CALN1: variants seen among roughly 807,000 people sequenced by gnomAD.
CALN1 encodes calcium-binding protein 8.
CALN1 carries 17 observed loss-of-function variants against 30.6 expected under a neutral mutation model. The observed-to-expected ratio is 0.56, with a 90% CI of 0.38 to 0.83. CALN1 has a LOEUF of 0.83. CALN1 is among the 40% of genes least tolerant of loss of function. The pLI is 0.00. For synonymous variants in CALN1, 156 were observed against 131.4 expected, an observed-to-expected ratio of 1.19 and a Z score of -1.28; for missense variants, 291 against 354.9, an observed-to-expected ratio of 0.82 and a Z score of 1.45.
At chr7:71,888,179 T>A (rs1342941360) in intron 5 of CALN1, among the ~76,000 whole-genome samples, 4 of 151,846 alleles carry the variant, frequency 2.6e-5, no homozygotes, top group Admixed American at 2.0e-4. Context: ...CAAAAATGCT[T>A]AAGATGCTGG....
At chr7:72,057,993 T>C (rs1246933753) in intron 4 of CALN1, among the ~76,000 whole-genome samples, 1 of 152,210 alleles carries the variant, frequency 6.6e-6, no homozygotes, top group Non-Finnish European at 1.5e-5. Context: ...TTCTAAGTCG[T>C]GCAGAAGTTA....
At chr7:72,168,583 A>G (rs1034404345) in intron 3 of CALN1, among the ~76,000 whole-genome samples, 1 of 152,156 alleles carries the variant, frequency 6.6e-6, no homozygotes, top group Non-Finnish European at 1.5e-5. Flanking sequence ...CTCTTCCAAT[A>G]TATTTTCACA....
chr7:72,153,675 T>C (rs1787440836), intron 3 of CALN1, among the ~76,000 whole-genome samples: 1 of 152,000 alleles, frequency 6.6e-6, no homozygotes, highest in Non-Finnish European at 1.5e-5. Flanking sequence ...AGTGAGAACC[T>C]GTCTCTAAAA....
chr7:72,061,400 T>C (rs1395136479), intron 4 of CALN1, among the ~76,000 whole-genome samples: 2 of 152,196 alleles, frequency 1.3e-5, no homozygotes, highest in South Asian at 2.1e-4. Flanking sequence ...GAGAGGTTTT[T>C]ATCTTTTTCT....
rs958876258 is a variant in CALN1 at position 71,783,792 on chromosome 7, G to A, written c.*3983C>T. ...CGCTTTATGATTCTATGAATGGGAA[G>A]TTGGGAGGGGCATTATTGTCAAAAG... On this transcript the variant is annotated 3_prime_UTR_variant, in exon 7 of 7. Transcript: ENST00000395275. The A allele has an allele frequency of 3.3e-5, 5 of 152,676 alleles. No individual in the cohort carries two copies. The highest frequency in any genetic ancestry group is 7.3e-5 in the Non-Finnish European group (5 of 68,048). 9.5% of individuals were successfully genotyped at this position (152,676 alleles called of 1,614,324 possible).
At chr7:72,396,235 TAA>T (rs55683543) in intron 2 of CALN1, among the ~76,000 whole-genome samples, 2 of 53,340 alleles carry the variant, frequency 3.7e-5, no homozygotes, top group Non-Finnish European at 6.4e-5. Context: ...TTGTCTCTAC[TAA>T]AAAAAAAAAA....
chr7:71,969,342 C>A (rs1449008283), intron 5 of CALN1, among the ~76,000 whole-genome samples: 2 of 152,162 alleles, frequency 1.3e-5, no homozygotes, highest in Non-Finnish European at 2.9e-5. Context: ...TCTTACTTTC[C>A]TACTTTCATT....
intron 5 of CALN1, among the ~76,000 whole-genome samples, chr7:71,951,861 G>A (rs1183043620): frequency 6.6e-6 from 1 of 152,112 alleles, no homozygotes; most frequent in Non-Finnish European, 1.5e-5. Context: ...AATCATGCAA[G>A]CGACTTGCAG....
At chr7:72,408,941 G>A (rs995705577) in intron 1 of CALN1, among the ~76,000 whole-genome samples, 2 of 151,686 alleles carry the variant, frequency 1.3e-5, no homozygotes, top group African/African-American at 4.8e-5. Flanking sequence ...GCCTCCCAAA[G>A]TGCTGGGATT....
At chr7:72,132,163 A>G (rs567196421) in intron 3 of CALN1, among the ~76,000 whole-genome samples, 1 of 152,234 alleles carries the variant, frequency 6.6e-6, no homozygotes, top group Non-Finnish European at 1.5e-5. Flanking sequence ...TAAGCTCATT[A>G]TAAGTTGAAA....
chr7:71,929,630 T>G (rs1795446255), intron 5 of CALN1, among the ~76,000 whole-genome samples: 1 of 152,254 alleles, frequency 6.6e-6, no homozygotes, highest in African/African-American at 2.4e-5. Context: ...TATGCCACTT[T>G]TGTTTATTCA....
chr7:72,206,367 A>G (rs572424230), intron 3 of CALN1, among the ~76,000 whole-genome samples: 117 of 152,272 alleles, frequency 7.7e-4, no homozygotes, highest in African/African-American at 2.7e-3. Context: ...CTCATCCTAT[A>G]CATTCTAGAG....
Position 72,123,892 on chromosome 7 carries a change from G to T in CALN1, c.245-17598C>A, listed in dbSNP as rs1245022270. ...CGAAATAAGTCTACACCTTTGAAAAGGCTATCTCCAAAGCCTCACACTGGC... is the reference window on the plus strand; with the variant it reads ...CGAAATAAGTCTACACCTTTGAAAATGCTATCTCCAAAGCCTCACACTGGC... On this transcript the variant is annotated intron_variant, in intron 3 of 6. Transcript: ENST00000395275. Among the ~76,000 whole-genome samples the T allele has an allele frequency of 2.0e-5, 3 of 152,228 alleles. No homozygotes were observed. In the East Asian group the frequency reaches 5.8e-4, roughly 29 times the overall value.
intron 5 of CALN1, among the ~76,000 whole-genome samples, chr7:71,846,066 G>C (rs1387505746): frequency 6.6e-6 from 1 of 151,880 alleles, no homozygotes; most frequent in Non-Finnish European, 1.5e-5. Flanking sequence ...AAAAATAAAA[G>C]ATTAACACTC....
intron 2 of CALN1, among the ~76,000 whole-genome samples, chr7:72,386,276 G>A (rs1452381031): frequency 1.3e-5 from 2 of 152,160 alleles, no homozygotes; most frequent in African/African-American, 4.8e-5. Flanking sequence ...GGAATCCCAG[G>A]ATGGAATACA....
At chr7:71,961,646 A>T (rs1238092381) in intron 5 of CALN1, among the ~76,000 whole-genome samples, 1 of 152,218 alleles carries the variant, frequency 6.6e-6, no homozygotes, top group East Asian at 1.9e-4. Flanking sequence ...TCCACAAGCC[A>T]TTCCCTCCCT....
intron 1 of CALN1, among the ~76,000 whole-genome samples, chr7:72,418,975 C>T (rs1186057588): frequency 6.6e-6 from 1 of 152,088 alleles, no homozygotes; most frequent in African/African-American, 2.4e-5. Context: ...ATGATCATGC[C>T]ACTGCACTCC....
chr7:72,132,823 C>T (rs981867475), intron 3 of CALN1, among the ~76,000 whole-genome samples: 6 of 152,080 alleles, frequency 3.9e-5, no homozygotes, highest in Non-Finnish European at 7.4e-5. Flanking sequence ...TCCCCAACCC[C>T]CAGGCTACGG....
chr7:72,458,929 G>C, the CALN1 span, among the ~76,000 whole-genome samples: 2 of 140,206 alleles, frequency 1.4e-5, no homozygotes, highest in Non-Finnish European at 3.0e-5. Flanking sequence ...TTTTTGTTTT[G>C]AGACAGAGTC....
Sources: gnomAD v4.1 joint callset for allele counts (sites outside exome capture counted in the v4.1 genomes callset) on GRCh38, gnomAD v4.1.1 for gene constraint, MANE v1.5 for transcripts, NCBI Gene and HGNC (gene_info 2026-07-23, HGNC 2026-07-21) for gene names.